TNFAIP8: variants seen among roughly 807,000 people sequenced by gnomAD.
TNFAIP8 encodes TNF alpha induced protein 8.
In TNFAIP8, 7 loss-of-function variants were observed where a neutral mutation model predicts 13.3. The ratio of observed to expected loss-of-function variants is 0.52; its 90% CI spans 0.30 to 0.99. The LOEUF (loss-of-function observed/expected upper bound fraction) is 0.99, where lower values mean the gene tolerates loss of function less well. Ranked by LOEUF, TNFAIP8 falls within the 50% of genes least tolerant of loss-of-function variation. The pLI is 0.07. For synonymous variants in TNFAIP8, 94 were observed against 87.6 expected (o/e 1.07, Z -0.41); for missense variants, 258 against 236.9 (o/e 1.09, Z -0.58).
At position 119,286,621 on chromosome 5, in the gene TNFAIP8, C is replaced by CA. The variant is rs11302326; in HGVS notation, c.1+17731dup. Among the ~76,000 whole-genome samples the CA allele has an allele frequency of 8.5e-3, 1,083 of 127,514 alleles. 18 individuals carry two copies. The highest frequency in any genetic ancestry group is 0.054 in the South Asian group (210 of 3,912). 83.7% of individuals were successfully genotyped at this position (127,514 alleles called of 152,430 possible). A position where few individuals can be genotyped will look rare whatever the true frequency, so the allele number is the denominator to read the frequency against. On this transcript the variant is annotated intron_variant, in intron 1 of 1. Coordinates refer to the TNFAIP8 transcript ENST00000274456. ...AGGGCGACAGAGCAAGACTCCCTCT[C>CA]AAAAAAAAAAAAAAAAAGTCCCAAA...
intron 1 of TNFAIP8, among the ~76,000 whole-genome samples, chr5:119,296,522 G>T (rs912838464): frequency 1.3e-5 from 2 of 152,018 alleles, no homozygotes; most frequent in African/African-American, 4.8e-5. Context: ...GTTGGATTTG[G>T]TTTGCCAGTA....
chr5:119,388,262 C>G (rs1271769991), intron 1 of TNFAIP8, among the ~76,000 whole-genome samples: 1 of 152,114 alleles, frequency 6.6e-6, no homozygotes, highest in African/African-American at 2.4e-5. Flanking sequence ...TACTCTGGAG[C>G]GCACTTAGAG....
chr5:119,366,148 GAA>G (rs111331324), intron 1 of TNFAIP8, among the ~76,000 whole-genome samples: 1 of 136,620 alleles, frequency 7.3e-6, no homozygotes. Flanking sequence ...ACTCTAAAAT[GAA>G]AAAAAAAAAA....
At chr5:119,296,205 A>G (rs562569366) in intron 1 of TNFAIP8, among the ~76,000 whole-genome samples, 123 of 151,738 alleles carry the variant, frequency 8.1e-4, no homozygotes, top group African/African-American at 2.9e-3. Flanking sequence ...GTCTTGTGCC[A>G]GTTTTCAAAG....
chr5:119,374,351 T>C (rs1752200042), intron 1 of TNFAIP8, among the ~76,000 whole-genome samples: 2 of 152,232 alleles, frequency 1.3e-5, no homozygotes, highest in African/African-American at 4.8e-5. Flanking sequence ...TTTTGGAGTT[T>C]GGATTTTTAA....
In TNFAIP8 at chr5:119,358,391, C is replaced by T. The variant is rs142768373; in HGVS notation, c.31+2270C>T. The stretch of plus-strand genomic sequence containing the variant: ...ATCAGAGCTTAAAACATACTTGACT[C>T]TGTGCCAGGGGTGCTGGATATTTGT... On this transcript the variant is annotated intron_variant, in intron 1 of 1. Coordinates refer to ENST00000504771, the MANE Select transcript of TNFAIP8 (RefSeq NM_014350.4). Among the ~76,000 whole-genome samples the T allele has an allele frequency of 4.3e-3, 648 of 152,294 alleles. 6 individuals carry two copies. Among genetic ancestry groups the T allele is most frequent in the African/African-American group, 0.015 (632 of 41,564 alleles).
At chr5:119,365,593 T>C (rs1285328257) in intron 1 of TNFAIP8, among the ~76,000 whole-genome samples, 1 of 152,204 alleles carries the variant, frequency 6.6e-6, no homozygotes, top group Admixed American at 6.5e-5. Flanking sequence ...TCATTTCATA[T>C]TCTCTAAAAA....
Position 119,293,488 on chromosome 5 carries a change from C to G in TNFAIP8, c.1+24581C>G, listed in dbSNP as rs188683430. Among the ~76,000 whole-genome samples, 667 of 152,184 alleles carry G rather than the reference C, an allele frequency of 4.4e-3. 5 individuals are homozygous for G. The highest frequency in any genetic ancestry group is 5.1e-3 in the Non-Finnish European group (345 of 67,992). On this transcript the variant is annotated intron_variant, in intron 1 of 1. Transcript: ENST00000274456. ...GGCTTATTTCACTTAATATAATGTT[C>G]TCCAGGTTCATCCATGTTGTCATAA...
intron 1 of TNFAIP8, among the ~76,000 whole-genome samples, chr5:119,368,430 C>CGTGTGT (rs376615641): frequency 0.06 from 8,011 of 132,920 alleles, 252 homozygotes; most frequent in Admixed American, 0.093. Context: ...TTCTAAGCAG[C>CGTGTGT]GTGTGTGTGT....
At chr5:119,325,848 T>C (rs1200292301) in intron 1 of TNFAIP8, among the ~76,000 whole-genome samples, 4 of 152,222 alleles carry the variant, frequency 2.6e-5, no homozygotes, top group Admixed American at 6.5e-5. Flanking sequence ...GCTTGTCCTG[T>C]CTCGGGCTGT....
intron 1 of TNFAIP8, among the ~76,000 whole-genome samples, chr5:119,371,138 T>G (rs1226671248): frequency 6.6e-6 from 1 of 152,196 alleles, no homozygotes; most frequent in Non-Finnish European, 1.5e-5. Context: ...GTAGATGTAG[T>G]GAAAAAATAT....
intron 1 of TNFAIP8, among the ~76,000 whole-genome samples, chr5:119,327,941 TAAGAA>T (rs1225864347): frequency 6.6e-6 from 1 of 152,020 alleles, no homozygotes; most frequent in Non-Finnish European, 1.5e-5. Context: ...TACATGAGCT[TAAGAA>T]AAGAAGCTTC....
chr5:119,366,025 T>C (rs1211480716), intron 1 of TNFAIP8, among the ~76,000 whole-genome samples: 1 of 151,054 alleles, frequency 6.6e-6, no homozygotes, highest in African/African-American at 2.4e-5. Context: ...TTGGGAGCGA[T>C]GGGGAGTAGG....
chr5:119,303,024 A>G (rs1053855624), intron 1 of TNFAIP8, among the ~76,000 whole-genome samples: 1 of 152,112 alleles, frequency 6.6e-6, no homozygotes, highest in Non-Finnish European at 1.5e-5. Flanking sequence ...TTCATGTCTG[A>G]CACACTCTTC....
At chr5:119,353,077 G>A (rs1441910521), upstream of TNFAIP8, among the ~76,000 whole-genome samples, 3 of 152,246 alleles carry the variant, frequency 2.0e-5, no homozygotes. Context: ...GTTATTAAAT[G>A]AGAAGTGTTG....
intron 1 of TNFAIP8, among the ~76,000 whole-genome samples, chr5:119,366,259 G>C (rs1473532150): frequency 3.3e-5 from 5 of 152,144 alleles, no homozygotes; most frequent in African/African-American, 1.2e-4. Context: ...TATTTTGTTT[G>C]ATTTTGCAGT....
intron 1 of TNFAIP8, among the ~76,000 whole-genome samples, chr5:119,276,961 C>G (rs1748472761): frequency 6.6e-6 from 1 of 152,008 alleles, no homozygotes; most frequent in Non-Finnish European, 1.5e-5. Flanking sequence ...TATATTTTTT[C>G]CTATACATAT....
chr5:119,316,825 T>A (rs1749910951), intron 1 of TNFAIP8, among the ~76,000 whole-genome samples: 10 of 152,184 alleles, frequency 6.6e-5, no homozygotes, highest in Admixed American at 6.5e-4. Flanking sequence ...CAAGAGACAT[T>A]TGGTAATATC....
intron 1 of TNFAIP8, among the ~76,000 whole-genome samples, chr5:119,288,432 A>G (rs546095259): frequency 1.3e-5 from 2 of 152,382 alleles, no homozygotes; most frequent in Non-Finnish European, 2.9e-5. Context: ...GAGCAAAAAC[A>G]TTAACAAATG....
Sources: gnomAD v4.1 joint callset for allele counts (sites outside exome capture counted in the v4.1 genomes callset) on GRCh38, gnomAD v4.1.1 for gene constraint, MANE v1.5 for transcripts, NCBI Gene and HGNC (gene_info 2026-07-23, HGNC 2026-07-21) for gene names.